FAM135A: variants seen among roughly 807,000 people sequenced by gnomAD.
FAM135A encodes protein FAM135A.
A neutral mutation model predicts 146.8 loss-of-function variants in FAM135A; 79 were observed. The observed-to-expected ratio is 0.54, with a 90% CI of 0.45 to 0.65. FAM135A has a LOEUF of 0.65. FAM135A is among the 30% of genes least tolerant of loss of function. The pLI is 0.00. For synonymous variants in FAM135A, 562 were observed against 603.6 expected (o/e 0.93, Z 1.01); for missense variants, 1,623 against 1,758.2 (o/e 0.92, Z 1.38).
At position 70,448,914 on chromosome 6, in the gene FAM135A, T is replaced by C. The variant is rs1178724484; in HGVS notation, c.78-3578T>C. 2.0e-5 allele frequency among the ~76,000 whole-genome samples: 3 copies of C among 152,348 alleles called. No individual in the cohort carries two copies. In the East Asian group the frequency reaches 5.8e-4, roughly 29 times the overall value. On this transcript the variant is annotated intron_variant, in intron 4 of 21. Coordinates refer to ENST00000418814, the MANE Select transcript of FAM135A (RefSeq NM_001162529.3). ...TGCCCTGGGTGGGCCAGGTGTTTCTTGCCCTCATTCTGGTAAACCCACAAC... is the reference window on the plus strand; with the variant it reads ...TGCCCTGGGTGGGCCAGGTGTTTCTCGCCCTCATTCTGGTAAACCCACAAC...
chr6:70,532,118 C>T (rs558248623), intron 16 of FAM135A, among the ~76,000 whole-genome samples: 2 of 151,926 alleles, frequency 1.3e-5, no homozygotes, highest in African/African-American at 4.8e-5. Flanking sequence ...CCTCGTGATC[C>T]ACCCGCCACA....
Position 70,526,124 on chromosome 6 carries a change from A to G in FAM135A, c.3040A>G (p.Thr1014Ala), listed in dbSNP as rs754335595. The G allele has an allele frequency of 1.9e-6, 3 of 1,613,644 alleles. No individual in the cohort carries two copies. The highest frequency in any genetic ancestry group is 2.2e-5 in the South Asian group (2 of 91,056). ...NLTQMYSEIP[T>A]VESETHLGTS... The stretch of plus-strand genomic sequence containing the variant: ...CACACAGATGTATTCAGAAATCCCT[A>G]CAGTTGAAAGTGAAACTCATCTGGG... Residue 1014 changes from threonine (T) to alanine (A), a missense_variant, in exon 15 of 22, where the codon ACA becomes GCA. Thr to Ala is a moderately conservative substitution (Grantham distance 58). Transcript: ENST00000418814.
chr6:70,515,365 A>G (rs2128308716), intron 12 of FAM135A, among the ~76,000 whole-genome samples: 1 of 152,372 alleles, frequency 6.6e-6, no homozygotes, highest in African/African-American at 2.4e-5. Flanking sequence ...GATGTCCTTC[A>G]GTAGGTAACT....
At chr6:70,522,712 C>A in intron 13 of FAM135A, 126 bp downstream of exon 13, 1 of 696,210 alleles carries the variant, frequency 1.4e-6, no homozygotes, top group Non-Finnish European at 2.3e-6. Flanking sequence ...ATTTGAATTT[C>A]AGAAATCCCA....
chr6:70,439,341 T>C (rs1773930812), intron 4 of FAM135A, among the ~76,000 whole-genome samples: 1 of 152,238 alleles, frequency 6.6e-6, no homozygotes, highest in South Asian at 2.1e-4. Context: ...AATTGAACCT[T>C]TTATCATTAT....
Position 70,559,892 on chromosome 6 carries a change from C to G in FAM135A, c.4519C>G (p.Leu1507Val). ...GGAAATATTTTTAGAGAAATTCTTT[C>G]TGGTTGCTGCCCTCAAATATTTCCA... ...DSEIFLEKFFLVAALKYFQ is the reference protein window; with the variant it reads ...DSEIFLEKFFVVAALKYFQ Residue 1507 changes from leucine to valine, a missense_variant, in exon 22 of 22, where the codon CTG (leucine) becomes GTG (valine). Physicochemically the swap from Leu to Val is conservative, Grantham distance 32. This residue lies in a region of FAM135A where 138 missense variants were observed against 174.1 expected (regional missense o/e 0.79). Transcript: ENST00000418814. 1 of 1,613,714 alleles carries G rather than the reference C, an allele frequency of 6.2e-7. No individual in the cohort carries two copies. The highest frequency in any genetic ancestry group is 8.5e-7 in the Non-Finnish European group (1 of 1,179,858).
At chr6:70,439,659 C>A (rs541235809) in intron 4 of FAM135A, among the ~76,000 whole-genome samples, 4 of 151,806 alleles carry the variant, frequency 2.6e-5, no homozygotes, top group African/African-American at 4.8e-5. Flanking sequence ...TTTCTATGTC[C>A]GCTCTTCATT....
chr6:70,527,741 A>T (rs189976149), intron 15 of FAM135A, among the ~76,000 whole-genome samples: 68 of 152,256 alleles, frequency 4.5e-4, no homozygotes, highest in Middle Eastern at 3.4e-3. Flanking sequence ...AGTATATACC[A>T]CTAATTGTAT....
chr6:70,415,525 T>A (rs1237130647), intron 2 of FAM135A, 149 bp downstream of exon 2: 1 of 152,182 alleles, frequency 6.6e-6, no homozygotes. Context: ...CTAGCAATTG[T>A]GTATGGTAAG....
rs1346491535 is a variant in FAM135A, at chr6:70,538,851, TTA to T, written c.4228+454_4228+455del. Among the ~76,000 whole-genome samples the T allele has an allele frequency of 2.8e-3, 408 of 143,952 alleles. 3 individuals are homozygous for T. The highest frequency in any genetic ancestry group is 0.01 in the African/African-American group (388 of 38,282). The allele number at this position is 143,952 out of a possible 152,430, so 94.4% of individuals were successfully genotyped here. On this transcript the variant is annotated intron_variant, in intron 20 of 21. Transcript: ENST00000418814. The stretch of plus-strand genomic sequence containing the variant: ...TTATATTATATTATATTATATTATA[TTA>T]TATTATATGGCTAGCAAGCATTTCT...
chr6:70,510,569 C>G (rs1582651133), intron 12 of FAM135A, among the ~76,000 whole-genome samples: 1 of 151,920 alleles, frequency 6.6e-6, no homozygotes, highest in African/African-American at 2.4e-5. Flanking sequence ...AATAATGTAC[C>G]AAGTTTCACC....
intron 2 of FAM135A, among the ~76,000 whole-genome samples, chr6:70,423,918 C>T (rs1394803268): frequency 6.6e-6 from 1 of 152,232 alleles, no homozygotes; most frequent in African/African-American, 2.4e-5. Context: ...TCACAGTTAT[C>T]TACTCCTCCT....
intron 11 of FAM135A, among the ~76,000 whole-genome samples, chr6:70,495,898 T>G (rs1028689411): frequency 6.6e-6 from 1 of 152,230 alleles, no homozygotes; most frequent in Non-Finnish European, 1.5e-5. Flanking sequence ...TTTGGTTTTC[T>G]GTTCCTGTGT....
intron 11 of FAM135A, among the ~76,000 whole-genome samples, chr6:70,500,388 T>C (rs1420160781): frequency 6.6e-6 from 1 of 152,212 alleles, no homozygotes; most frequent in Non-Finnish European, 1.5e-5. Context: ...CTGTAACCTT[T>C]TATCAAGGTT....
intron 20 of FAM135A, among the ~76,000 whole-genome samples, chr6:70,539,584 A>G (rs1338932586): frequency 1.3e-5 from 2 of 152,136 alleles, no homozygotes; most frequent in East Asian, 3.9e-4. Context: ...TCTAATTGCA[A>G]TCATTACTCC....
intron 20 of FAM135A, among the ~76,000 whole-genome samples, chr6:70,553,701 GAA>G (rs1800289163): frequency 9.0e-6 from 1 of 111,138 alleles, no homozygotes; most frequent in Non-Finnish European, 1.8e-5. Flanking sequence ...TTTTTAAAAA[GAA>G]GCAGATATAA....
chr6:70,455,884 G>T (rs1778261613), intron 5 of FAM135A, among the ~76,000 whole-genome samples: 1 of 152,012 alleles, frequency 6.6e-6, no homozygotes, highest in Non-Finnish European at 1.5e-5. Flanking sequence ...GCGGAGTCTT[G>T]CCCTATCGCC....
At position 70,446,402 on chromosome 6, in the gene FAM135A, C is replaced by T. The variant is rs546194527; in HGVS notation, c.78-6090C>T. The stretch of plus-strand genomic sequence containing the variant: ...TCAGACCATCTGAACATAGTGTGAC[C>T]GTGGCATGCAGACTGAGAGGTGCAA... On this transcript the variant is annotated intron_variant, in intron 4 of 21. Coordinates refer to ENST00000418814, the MANE Select transcript of FAM135A (RefSeq NM_001162529.3). Among the ~76,000 whole-genome samples the T allele has an allele frequency of 4.6e-5, 7 of 152,234 alleles. No individual in the cohort carries two copies. In the South Asian group the frequency reaches 8.3e-4, roughly 18 times the overall value.
At chr6:70,467,645 G>A (rs553850177) in intron 5 of FAM135A, among the ~76,000 whole-genome samples, 16 of 150,704 alleles carry the variant, frequency 1.1e-4, no homozygotes, top group African/African-American at 3.4e-4. Flanking sequence ...ACCCTTTTTT[G>A]AGCTATTTGC....
Sources: allele counts gnomAD v4.1 joint callset (sites outside exome capture counted in the v4.1 genomes callset), GRCh38; gene constraint gnomAD v4.1.1; regional missense constraint gnomAD v4.1.1; transcripts MANE v1.5; gene names NCBI Gene and HGNC (gene_info 2026-07-23, HGNC 2026-07-21).